Variants in TMEM245 observed in about 807,000 individuals in gnomAD.
The protein encoded by TMEM245 is transmembrane protein 245.
Under a neutral mutation model 101.2 loss-of-function variants are expected in TMEM245, and 69 were observed. That is an observed-to-expected ratio of 0.68 (90% confidence interval 0.56 to 0.83). The LOEUF (loss-of-function observed/expected upper bound fraction) is 0.83, where lower values mean the gene tolerates loss of function less well. TMEM245 is among the 40% of genes least tolerant of loss of function. The pLI, the probability that TMEM245 is intolerant of heterozygous loss-of-function variation, is 0.00. For synonymous variants in TMEM245, 537 were observed against 449.8 expected, an observed-to-expected ratio of 1.19 and a Z score of -2.45; for missense variants, 1,075 against 1,092.8, an observed-to-expected ratio of 0.98 and a Z score of 0.23.
Position 109,087,315 on chromosome 9 carries a change from T to A in TMEM245, c.1178A>T (p.His393Leu). The A allele has an allele frequency of 6.2e-7, 1 of 1,605,698 alleles. No individual in the cohort carries two copies. Among genetic ancestry groups the A allele is most frequent in the Non-Finnish European group, 8.5e-7 (1 of 1,177,090 alleles). Reference protein sequence around the residue: ...AVWILKKLVIHFGVVDFLEKR... With the variant: ...AVWILKKLVILFGVVDFLEKR... ...CTCTAGGAAATCCACAACTCCAAAG[T>A]GAATGACAAGCTTTTTGAGTATCCA... The change falls in exon 6 of 18, where the codon CAC (histidine) becomes CTC (leucine). Residue 393 changes from histidine (H) to leucine (L), a missense_variant. Coordinates refer to ENST00000374586, the MANE Select transcript of TMEM245 (RefSeq NM_032012.4).
chr9:109,062,248 C>T (rs1047297943), intron 10 of TMEM245, among the ~76,000 whole-genome samples: 4 of 152,110 alleles, frequency 2.6e-5, no homozygotes, highest in East Asian at 1.9e-4. Context: ...CCTCCTGACT[C>T]GGCCTCCCAA....
chr9:109,064,521 C>A lies in TMEM245; in HGVS notation c.1579G>T (p.Ala527Ser). 6.2e-7 allele frequency: 1 copy of A among 1,613,982 alleles called. No individual in the cohort carries two copies. The highest frequency in any genetic ancestry group is 8.5e-7 in the Non-Finnish European group (1 of 1,179,888). Reference sequence around the variant, plus strand: ...CGTCCATACTGATACACGTTGTTAGCCGCAGAATTCAGGGCTCTTTGGACT... The same window carrying A: ...CGTCCATACTGATACACGTTGTTAGACGCAGAATTCAGGGCTCTTTGGACT... ...QVVQRALNSA[A>S]NNVYQYGREW... Residue 527 changes from alanine (A) to serine (S), a missense_variant, in exon 10 of 18, where the codon GCT becomes TCT. Ala to Ser is a moderately conservative substitution (Grantham distance 99). This residue lies in a region of TMEM245 where 808 missense variants were observed against 741.5 expected (regional missense o/e 1.09). Transcript: ENST00000374586.
intron 3 of TMEM245, among the ~76,000 whole-genome samples, chr9:109,099,012 A>G (rs1830214845): frequency 6.6e-6 from 1 of 152,224 alleles, no homozygotes; most frequent in African/African-American, 2.4e-5. Flanking sequence ...ATAAGGAGAT[A>G]CTTCTTGATC....
chr9:109,095,291 T>C (rs1299586072), intron 3 of TMEM245, among the ~76,000 whole-genome samples: 3 of 152,188 alleles, frequency 2.0e-5, no homozygotes, highest in Non-Finnish European at 4.4e-5. Flanking sequence ...TACTGTGTGC[T>C]GGGGATAAAG....
chr9:109,021,537 C>T (rs374419551), intron 17 of TMEM245, among the ~76,000 whole-genome samples: 1 of 152,100 alleles, frequency 6.6e-6, no homozygotes, highest in Non-Finnish European at 1.5e-5. Context: ...TTTTTTGAGA[C>T]AAGGTCTCAC....
At chr9:109,119,240 T>A (rs565420506) in intron 1 of TMEM245, 95 bp downstream of exon 1, 1 of 1,219,778 alleles carries the variant, frequency 8.2e-7, no homozygotes, top group Non-Finnish European at 1.1e-6. Context: ...GTGTGGCCCC[T>A]CGTCGCCCCT....
At chr9:109,049,901 G>T (rs1219944961) in intron 14 of TMEM245, among the ~76,000 whole-genome samples, 1 of 151,462 alleles carries the variant, frequency 6.6e-6, no homozygotes, top group Non-Finnish European at 1.5e-5. Flanking sequence ...GCAAGCCTCT[G>T]GCCTCAGCCT....
At chr9:109,030,332 T>C (rs1827908897) in intron 17 of TMEM245, among the ~76,000 whole-genome samples, 1 of 134,026 alleles carries the variant, frequency 7.5e-6, no homozygotes, top group Non-Finnish European at 1.5e-5. Flanking sequence ...ACAAAGGCTA[T>C]ATGGGTCCTC....
At chr9:109,079,645 G>A (rs1829611812) in intron 8 of TMEM245, among the ~76,000 whole-genome samples, 1 of 152,016 alleles carries the variant, frequency 6.6e-6, no homozygotes, top group Non-Finnish European at 1.5e-5. Context: ...GTTCAGAGAA[G>A]CAAAAGCTCA....
At chr9:109,100,758 T>C (rs956304124) in intron 3 of TMEM245, among the ~76,000 whole-genome samples, 1 of 152,250 alleles carries the variant, frequency 6.6e-6, no homozygotes, top group African/African-American at 2.4e-5. Context: ...ATACCATCTA[T>C]CTTACAAAGA....
Position 109,119,676 on chromosome 9 carries a change from A to C in TMEM245, c.238T>G (p.Phe80Val). The C allele has an allele frequency of 6.4e-7, 1 of 1,556,440 alleles. No homozygotes were observed. The highest frequency in any genetic ancestry group is 1.2e-5 in the South Asian group (1 of 84,576). ...AVLVYFILEA[F>V]LRPLLWAVLC... ...ACGGCCCAGAGCAGCGGCCGCAGGA[A>C]GGCCTCCAGGATGAAGTAGACCAGC... The change falls in exon 1 of 18, where the codon TTC (phenylalanine) becomes GTC (valine). Residue 80 changes from phenylalanine (F) to valine (V), a missense_variant. Phe to Val is a conservative substitution (Grantham distance 50). Transcript: ENST00000374586.
At chr9:109,095,978 C>T (rs1830129566) in intron 3 of TMEM245, among the ~76,000 whole-genome samples, 1 of 152,114 alleles carries the variant, frequency 6.6e-6, no homozygotes, top group African/African-American at 2.4e-5. Flanking sequence ...TGGTCTACAG[C>T]CACAACAGGG....
intron 14 of TMEM245, among the ~76,000 whole-genome samples, chr9:109,047,825 T>C (rs1199048532): frequency 2.0e-5 from 3 of 152,270 alleles, no homozygotes; most frequent in Non-Finnish European, 4.4e-5. Flanking sequence ...TAAGCCACAC[T>C]GACTGGAGAA....
intron 1 of TMEM245, among the ~76,000 whole-genome samples, chr9:109,115,854 C>T (rs1351637152): frequency 1.3e-5 from 2 of 152,018 alleles, no homozygotes; most frequent in Non-Finnish European, 2.9e-5. Flanking sequence ...AATAATTAAA[C>T]ACAATGTATT....
rs1554725114 is a variant in TMEM245 at position 109,083,925 on chromosome 9, A to AAAAAAAAAAAAAAAAAAAAAAAAAAC, written c.1344+2071_1344+2072insGTTTTTTTTTTTTTTTTTTTTTTTTT. Among the ~76,000 whole-genome samples, 5 of 140,876 alleles carry AAAAAAAAAAAAAAAAAAAAAAAAAAC rather than the reference A, an allele frequency of 3.5e-5. No individual in the cohort carries two copies. The East Asian group carries it at 9.2e-4, about 26-fold the overall frequency. The allele number at this position is 140,876 out of a possible 152,430, so 92.4% of individuals were successfully genotyped here. On this transcript the variant is annotated intron_variant, in intron 7 of 17. Coordinates refer to ENST00000374586, the MANE Select transcript of TMEM245 (RefSeq NM_032012.4). ...ACAAAAAAAAAAAAAAAAAAAAAAA[A>AAAAAAAAAAAAAAAAAAAAAAAAAAC]AAAACACCAGGCATGGTGGTGCACA...
intron 7 of TMEM245, among the ~76,000 whole-genome samples, chr9:109,082,502 T>C (rs1394427896): frequency 6.6e-6 from 1 of 152,242 alleles, no homozygotes; most frequent in Non-Finnish European, 1.5e-5. Flanking sequence ...ATCACTCCTC[T>C]TTGTATCTCC....
chr9:109,075,753 T>G (rs1004562744), intron 8 of TMEM245, among the ~76,000 whole-genome samples: 10 of 152,252 alleles, frequency 6.6e-5, no homozygotes, highest in Admixed American at 5.9e-4. Context: ...TCAGTCTGGC[T>G]AAAATTTTGT....
intron 11 of TMEM245, among the ~76,000 whole-genome samples, chr9:109,057,873 C>G (rs375904560): frequency 4.0e-5 from 6 of 151,218 alleles, no homozygotes; most frequent in African/African-American, 1.5e-4. Flanking sequence ...AATACATTTG[C>G]AAAGACATCT....
intron 12 of TMEM245, among the ~76,000 whole-genome samples, chr9:109,056,063 A>C (rs1171342480): frequency 6.6e-6 from 1 of 152,230 alleles, no homozygotes; most frequent in African/African-American, 2.4e-5. Flanking sequence ...GATTAACAGC[A>C]CTTCATCTTC....
Sources: allele counts gnomAD v4.1 joint callset (sites outside exome capture counted in the v4.1 genomes callset), GRCh38; gene constraint gnomAD v4.1.1; regional missense constraint gnomAD v4.1.1; transcripts MANE v1.5; gene names NCBI Gene and HGNC (gene_info 2026-07-23, HGNC 2026-07-21).